The following DNPH1 variants were observed in gnomAD, a reference collection of about 807,000 sequenced individuals.
DNPH1 encodes the protein 2'-deoxynucleoside 5'-phosphate N-hydrolase 1.
In DNPH1, 18 loss-of-function variants were observed where a neutral mutation model predicts 15.7. The ratio of observed to expected loss-of-function variants is 1.15; its 90% CI spans 0.79 to 1.70. The LOEUF (loss-of-function observed/expected upper bound fraction) is 1.70, where lower values mean the gene tolerates loss of function less well. Among genes scored for constraint, DNPH1 ranks in the 40% most tolerant of loss-of-function variants. The pLI is 0.00. For synonymous variants in DNPH1, 114 were observed against 107.9 expected (o/e 1.06, Z -0.35); for missense variants, 262 against 255.2 (o/e 1.03, Z -0.18).
In DNPH1 at chr6:43,226,392, TC is replaced by T. The variant is rs758990367; in HGVS notation, c.199del (p.Glu67LysfsTer28). On this transcript the variant is annotated frameshift_variant and splice_region_variant, in exon 2 of 4. Coordinates refer to ENST00000230431, the MANE Select transcript of DNPH1 (RefSeq NM_006443.3). LOFTEE classifies it high-confidence loss of function. This position sits in a 1 kb window ranked among gnomAD's most constrained non-coding sequence, Gnocchi z 4.1. ...VAAAELGARGEEAAGGDRLIH... is the reference protein window; with the variant it reads ...VAAAELGARGXEAAGGDRLIH... Reference sequence around the variant, plus strand: ...GAGCCTGTCACCCCCAGCAGCCTCTTCCCCTGTGTTGAGGGAAAGCTGGTCA... The same window carrying T: ...GAGCCTGTCACCCCCAGCAGCCTCTTCCCTGTGTTGAGGGAAAGCTGGTCA... 3.7e-6 allele frequency: 6 copies of T among 1,611,822 alleles called. No homozygotes were observed. The East Asian group carries it at 1.3e-4, about 36-fold the overall frequency.
chr6:43,226,307 A>G lies in DNPH1; in HGVS notation c.265+20T>C. 1 of 1,610,740 alleles carries G rather than the reference A, an allele frequency of 6.2e-7. No homozygotes were observed. Among genetic ancestry groups the G allele is most frequent in the Non-Finnish European group, 8.5e-7 (1 of 1,179,316 alleles). On this transcript the variant is annotated intron_variant, in intron 2 of 3. Coordinates refer to ENST00000230431, the MANE Select transcript of DNPH1 (RefSeq NM_006443.3). The surrounding 1 kb of genome is among the most constrained non-coding windows in gnomAD (Gnocchi z 4.1). ...GCACTCCAGAGGAGTTAGGTGCTGG[A>G]AGGAGGGAGCGCCACTCACCGTCCG...
intron 1 of DNPH1, 121 bp downstream of exon 1, chr6:43,229,140 G>T: frequency 9.6e-7 from 1 of 1,044,550 alleles, no homozygotes; most frequent in Non-Finnish European, 1.3e-6. Flanking sequence ...GGGGTAGGAG[G>T]GCGGGCTCCG....
chr6:43,229,358 G>A lies in DNPH1; in HGVS notation c.99C>T (p.Arg33=). 6.7e-7 allele frequency: 1 copy of A among 1,485,872 alleles called. No individual in the cohort carries two copies. The highest frequency in any genetic ancestry group is 8.9e-7 in the Non-Finnish European group (1 of 1,119,470). The allele number at this position is 1,485,872 out of a possible 1,614,324, so 92.0% of individuals were successfully genotyped here. The change falls in exon 1 of 4, where the codon CGC becomes CGT. Residue 33 remains arginine, a synonymous_variant. Coordinates refer to ENST00000230431, the MANE Select transcript of DNPH1 (RefSeq NM_006443.3). ...LYFCGSIRGG[R]EDRTLYERIV... is the part of the protein sequence containing the mutation. ...TCCGCTCGTACAGCGTCCTGTCCTC[G>A]CGTCCGCCGCGAATGCTCCCGCAGA...
Position 43,225,932 on chromosome 6 carries a change from C to T in DNPH1, c.377-51G>A, listed in dbSNP as rs754702166. 5.0e-6 allele frequency: 8 copies of T among 1,613,840 alleles called. No individual in the cohort carries two copies. The Admixed American group carries it at 1.0e-4, about 20-fold the overall frequency. On this transcript the variant is annotated intron_variant, in intron 3 of 3. Coordinates refer to ENST00000230431, the MANE Select transcript of DNPH1 (RefSeq NM_006443.3). ...CTGCCTCCCATCCACACCCTCACAG[C>T]TCCCTTACCCCTTGGGAGAGGCGCG...
Position 43,225,722 on chromosome 6 carries a change from G to A in DNPH1, c.*11C>T. The A allele has an allele frequency of 6.2e-7, 1 of 1,613,820 alleles. No homozygotes were observed. The highest frequency in any genetic ancestry group is 8.5e-7 in the Non-Finnish European group (1 of 1,179,984). On this transcript the variant is annotated 3_prime_UTR_variant, in exon 4 of 4. Transcript: ENST00000230431. ...TCTGAGAATAGAAGAATTTAAGAAA[G>A]TGAGATTAAGTCAAGTGGTTGGGTC...
intron 1 of DNPH1, among the ~76,000 whole-genome samples, chr6:43,228,889 G>C (rs1464513485): frequency 1.3e-5 from 2 of 152,184 alleles, no homozygotes; most frequent in Non-Finnish European, 2.9e-5. Context: ...TTTCGTGTTG[G>C]GTGGTGGAAA....
rs1776729334 is a variant in DNPH1 at position 43,226,093 on chromosome 6, C to G, written c.316G>C (p.Gly106Arg). 6.2e-7 allele frequency: 1 copy of G among 1,613,586 alleles called. No homozygotes were observed. Residue 106 changes from glycine to arginine, a missense_variant, in exon 3 of 4, where the codon GGC becomes CGC. Physicochemically the swap from Gly to Arg is moderately radical, Grantham distance 125. Coordinates refer to ENST00000230431, the MANE Select transcript of DNPH1 (RefSeq NM_006443.3). The surrounding 1 kb of genome is among the most constrained non-coding windows in gnomAD (Gnocchi z 4.1). Reference sequence around the variant, plus strand: ...CGCTTGTTAAAGGCCACGGCCCGGCCCAGCTCATAGCCTACACCCAAGGAT... The same window carrying G: ...CGCTTGTTAAAGGCCACGGCCCGGCGCAGCTCATAGCCTACACCCAAGGAT... Reference protein sequence around the residue: ...QPSLGVGYELGRAVAFNKRIL... With the variant: ...QPSLGVGYELRRAVAFNKRIL...
chr6:43,228,274 T>C (rs139486658), intron 1 of DNPH1, among the ~76,000 whole-genome samples: 10 of 151,364 alleles, frequency 6.6e-5, no homozygotes, highest in Non-Finnish European at 1.5e-4. Context: ...CTGGGCAACA[T>C]AGTGAGACTC....
intron 1 of DNPH1, chr6:43,229,014 G>A (rs776872173): frequency 3.0e-5 from 12 of 397,544 alleles, no homozygotes; most frequent in Non-Finnish European, 9.6e-6. Context: ...TCTCCAAGAA[G>A]GAACCAAAGG....
rs1582455634 is a variant in DNPH1 at position 43,226,619 on chromosome 6, G to A, written c.197-224C>T. On this transcript the variant is annotated intron_variant, in intron 1 of 3. Transcript: ENST00000230431. This position sits in a 1 kb window ranked among gnomAD's most constrained non-coding sequence, Gnocchi z 4.1. ...GGGACATGTGATTAGGGCCGAATGA[G>A]GAACATCAGCAGCACTAACTGTGGA... 1 of 522,690 alleles carries A rather than the reference G, an allele frequency of 1.9e-6. No individual in the cohort carries two copies. Among genetic ancestry groups the A allele is most frequent in the Non-Finnish European group, 3.4e-6 (1 of 293,276 alleles). The allele number at this position is 522,690 out of a possible 1,614,324, so 32.4% of individuals were successfully genotyped here.
rs1176608861 is a variant in DNPH1, at chr6:43,226,151, G to T, written c.266-8C>A. 6.2e-7 allele frequency: 1 copy of T among 1,612,872 alleles called. No homozygotes were observed. The highest frequency in any genetic ancestry group is 1.7e-5 in the Admixed American group (1 of 60,014). On this transcript the variant is annotated splice_region_variant and splice_polypyrimidine_tract_variant and intron_variant, in intron 2 of 3. Transcript: ENST00000230431. This position sits in a 1 kb window ranked among gnomAD's most constrained non-coding sequence, Gnocchi z 4.1. ...TCACTTCTGCCACGACCACTGGGAGGAAAGATGAGAGGAAGCCTCAGCATT... is the reference window on the plus strand; with the variant it reads ...TCACTTCTGCCACGACCACTGGGAGTAAAGATGAGAGGAAGCCTCAGCATT...
chr6:43,229,292 C>A lies in DNPH1; in HGVS notation c.165G>T (p.Glu55Asp). 6.9e-7 allele frequency: 1 copy of A among 1,450,442 alleles called. No individual in the cohort carries two copies. Among genetic ancestry groups the A allele is most frequent in the Non-Finnish European group, 9.1e-7 (1 of 1,100,650 alleles). 89.8% of individuals were successfully genotyped at this position (1,450,442 alleles called of 1,614,324 possible). A position where few individuals can be genotyped will look rare whatever the true frequency, so the allele number is the denominator to read the frequency against. ...CGCCCAGCTCGGCGGCCGCCACGTGCTCGGTGAGCACTGTCCCGAATCGCC... is the reference window on the plus strand; with the variant it reads ...CGCCCAGCTCGGCGGCCGCCACGTGATCGGTGAGCACTGTCCCGAATCGCC... ...RLRRFGTVLT[E>D]HVAAAELGAR... Residue 55 changes from glutamate to aspartate, a missense_variant, in exon 1 of 4, where the codon GAG (glutamate) becomes GAT (aspartate). By Grantham distance (45) the Glu-to-Asp change is conservative. Transcript: ENST00000230431.
At position 43,226,375 on chromosome 6, in the gene DNPH1, C is replaced by T; in HGVS notation, c.217G>A (p.Asp73Asn). 1.2e-6 allele frequency: 2 copies of T among 1,612,712 alleles called. No homozygotes were observed. The highest frequency in any genetic ancestry group is 1.7e-6 in the Non-Finnish European group (2 of 1,179,918). Residue 73 changes from aspartate to asparagine, a missense_variant, in exon 2 of 4, where the codon GAC becomes AAC. Asp to Asn is a conservative substitution (Grantham distance 23). Coordinates refer to ENST00000230431, the MANE Select transcript of DNPH1 (RefSeq NM_006443.3). This position sits in a 1 kb window ranked among gnomAD's most constrained non-coding sequence, Gnocchi z 4.1. ...AGGTCCTGCTCATGGATGAGCCTGTCACCCCCAGCAGCCTCTTCCCCTGTG... is the reference window on the plus strand; with the variant it reads ...AGGTCCTGCTCATGGATGAGCCTGTTACCCCCAGCAGCCTCTTCCCCTGTG... ...GARGEEAAGG[D>N]RLIHEQDLEW...
chr6:43,226,418 A>T lies in DNPH1; in HGVS notation c.197-23T>A, dbSNP rs1445000622. 1 of 1,605,708 alleles carries T rather than the reference A, an allele frequency of 6.2e-7. No individual in the cohort carries two copies. Among genetic ancestry groups the T allele is most frequent in the Non-Finnish European group, 8.5e-7 (1 of 1,177,238 alleles). On this transcript the variant is annotated intron_variant, in intron 1 of 3. Coordinates refer to ENST00000230431, the MANE Select transcript of DNPH1 (RefSeq NM_006443.3). The surrounding 1 kb of genome is among the most constrained non-coding windows in gnomAD (Gnocchi z 4.1). ...CCCCTGTGTTGAGGGAAAGCTGGTC[A>T]AGGACATGCCTCATGCTGGCTCCCA... is the stretch of plus-strand genomic sequence containing the variant.
intron 1 of DNPH1, among the ~76,000 whole-genome samples, chr6:43,228,624 G>A (rs572820249): frequency 2.0e-5 from 3 of 152,180 alleles, no homozygotes; most frequent in East Asian, 1.9e-4. Flanking sequence ...TCAGGAGTTC[G>A]AAACCAGCCT....
At chr6:43,228,863 G>C (rs192547992) in intron 1 of DNPH1, among the ~76,000 whole-genome samples, 4 of 152,276 alleles carry the variant, frequency 2.6e-5, no homozygotes, top group African/African-American at 9.6e-5. Context: ...AGTTGGTGGG[G>C]AGGCAGGAGG....
chr6:43,229,061 T>C (rs922083793), intron 1 of DNPH1, 200 bp downstream of exon 1: 8 of 526,000 alleles, frequency 1.5e-5, no homozygotes, highest in Non-Finnish European at 2.8e-5. Context: ...ACCCGCAGGC[T>C]TGCTGGGACC....
chr6:43,225,986 G>A lies in DNPH1; in HGVS notation c.376+47C>T, dbSNP rs773450846. On this transcript the variant is annotated intron_variant, in intron 3 of 3. Coordinates refer to ENST00000230431, the MANE Select transcript of DNPH1 (RefSeq NM_006443.3). ...CTCAGAGCCCACCAGGGAAGGAGCT[G>A]AGGGCTGGGTCCATAGAAAGCCAGG... 10 of 1,613,326 alleles carry A rather than the reference G, an allele frequency of 6.2e-6. No homozygotes were observed. The Admixed American group carries it at 1.0e-4, about 16-fold the overall frequency.
chr6:43,229,046 CT>C, intron 1 of DNPH1: 1 of 483,816 alleles, frequency 2.1e-6, no homozygotes, highest in Admixed American at 2.8e-5. Flanking sequence ...CTGAGTCTGC[CT>C]TACACCCGCA....
Sources: allele counts gnomAD v4.1 joint callset (sites outside exome capture counted in the v4.1 genomes callset), GRCh38; gene constraint gnomAD v4.1.1; non-coding constraint Gnocchi (gnomAD v3.1); transcripts MANE v1.5; gene names NCBI Gene and HGNC (gene_info 2026-07-23, HGNC 2026-07-21).